Variants in ANXA6 observed in about 807,000 individuals in gnomAD.
The protein encoded by ANXA6 is 67 kDa calelectrin.
In ANXA6, 71 loss-of-function variants were observed where a neutral mutation model predicts 95.4. The ratio of observed to expected loss-of-function variants is 0.74; its 90% CI spans 0.61 to 0.91. The LOEUF (loss-of-function observed/expected upper bound fraction) is 0.91. ANXA6 is among the 40% of genes least tolerant of loss of function. ANXA6 has a pLI of 0.00. For synonymous variants in ANXA6, 289 were observed against 315.9 expected (o/e 0.91, Z 0.90); for missense variants, 830 against 876.4 (o/e 0.95, Z 0.67).
chr5:151,128,341 G>A, intron 12 of ANXA6, 102 bp from the exon 13 acceptor site: 1 of 986,230 alleles, frequency 1.0e-6, no homozygotes, highest in Non-Finnish European at 1.6e-6. Context: ...AAGGCTGAAT[G>A]AACACTTATT....
chr5:151,131,741 G>A (rs529524342), intron 10 of ANXA6, among the ~76,000 whole-genome samples: 2 of 152,128 alleles, frequency 1.3e-5, no homozygotes, highest in Non-Finnish European at 2.9e-5. Context: ...TGGGAGGGAC[G>A]ATAAAGGAGC....
At chr5:151,131,494 T>C (rs1253561163) in intron 10 of ANXA6, among the ~76,000 whole-genome samples, 1 of 152,208 alleles carries the variant, frequency 6.6e-6, no homozygotes, top group Non-Finnish European at 1.5e-5. Flanking sequence ...GAAATAATCT[T>C]GTTGAAATAA....
At chr5:151,108,634 C>T in intron 22 of ANXA6, 84 bp from the exon 23 acceptor site, 2 of 1,179,386 alleles carry the variant, frequency 1.7e-6, no homozygotes, top group Non-Finnish European at 2.5e-6. Flanking sequence ...CCCAGTGCCT[C>T]CCACAGGCTG....
chr5:151,125,716 C>T (rs1765297167), intron 14 of ANXA6, among the ~76,000 whole-genome samples: 1 of 152,334 alleles, frequency 6.6e-6, no homozygotes, highest in East Asian at 1.9e-4. Context: ...TCACTTCTCA[C>T]ATCACCTACA....
chr5:151,143,630 A>G (rs1423271271), intron 2 of ANXA6, among the ~76,000 whole-genome samples: 1 of 152,100 alleles, frequency 6.6e-6, no homozygotes, highest in Non-Finnish European at 1.5e-5. Context: ...TGTGGCAGAT[A>G]CGATGCTAAG....
chr5:151,150,786 T>C (rs1232771569), intron 1 of ANXA6: 1 of 152,342 alleles, frequency 6.6e-6, no homozygotes, highest in African/African-American at 2.4e-5. Context: ...CAGCTCTCGG[T>C]TTCCTCTGAC....
intron 13 of ANXA6, among the ~76,000 whole-genome samples, chr5:151,126,683 A>G (rs887779696): frequency 2.6e-5 from 4 of 151,824 alleles, no homozygotes; most frequent in Admixed American, 6.6e-5. Context: ...AGAACCTTCC[A>G]TCTCTTGAGA....
In ANXA6 at chr5:151,137,297, G is replaced by A. The variant is rs1460905943; in HGVS notation, c.343C>T (p.Leu115Phe). The change falls in exon 6 of 26, where the codon CTC becomes TTC. Residue 115 changes from leucine to phenylalanine, a missense_variant. Coordinates refer to ENST00000354546, the MANE Select transcript of ANXA6 (RefSeq NM_001155.5). ...ISGIGTDEKC[L>F]IEILASRTNE... is the part of the protein sequence containing the mutation. ...GTCCGGGAAGCCAAGATCTCAATGA[G>A]GCACTTCTCATCAGTGCCAATGCCC... 3 of 1,613,264 alleles carry A rather than the reference G, an allele frequency of 1.9e-6. No individual in the cohort carries two copies. The highest frequency in any genetic ancestry group is 1.1e-5 in the South Asian group (1 of 91,030).
intron 2 of ANXA6, among the ~76,000 whole-genome samples, chr5:151,146,511 G>A (rs1765979242): frequency 6.6e-6 from 1 of 152,158 alleles, no homozygotes; most frequent in East Asian, 1.9e-4. Context: ...TTCACTGGGG[G>A]CAGTCATGAT....
intron 20 of ANXA6, 89 bp downstream of exon 20, chr5:151,117,038 C>T (rs1765018500): frequency 7.8e-7 from 1 of 1,290,034 alleles, no homozygotes; most frequent in Non-Finnish European, 1.0e-6. Context: ...CCTTCACTCA[C>T]AGACAGGGCC....
intron 2 of ANXA6, among the ~76,000 whole-genome samples, chr5:151,145,449 T>C (rs761362169): frequency 2.0e-5 from 3 of 152,214 alleles, no homozygotes; most frequent in Non-Finnish European, 4.4e-5. Flanking sequence ...CACAGCGCCA[T>C]GCCTCCTGGG....
intron 23 of ANXA6, among the ~76,000 whole-genome samples, chr5:151,108,140 TGTGTGTGTCAA>T (rs1308917190): frequency 6.6e-6 from 1 of 151,860 alleles, no homozygotes; most frequent in Non-Finnish European, 1.5e-5. Flanking sequence ...ATATGTTAGG[TGTGTGTGTCAA>T]GTGTGTGTGT....
At chr5:151,131,722 G>A (rs1199686335) in intron 10 of ANXA6, among the ~76,000 whole-genome samples, 1 of 152,130 alleles carries the variant, frequency 6.6e-6, no homozygotes, top group African/African-American at 2.4e-5. Context: ...GGAGGGCAGG[G>A]GATGGCTCTG....
chr5:151,152,620 G>A (rs970551056), intron 1 of ANXA6, among the ~76,000 whole-genome samples: 28 of 152,204 alleles, frequency 1.8e-4, no homozygotes, highest in Admixed American at 1.8e-3. Context: ...TCTCCAAAAA[G>A]GGGTAATGGG....
At chr5:151,108,574 G>T (rs1313798577) in intron 22 of ANXA6, 24 bp from the exon 23 acceptor site, 2 of 1,606,846 alleles carry the variant, frequency 1.2e-6, no homozygotes, top group Non-Finnish European at 1.7e-6. Flanking sequence ...AAGCCCCAGA[G>T]GTGGGGGTGA....
chr5:151,150,480 A>G (rs926876551), intron 1 of ANXA6, among the ~76,000 whole-genome samples: 1 of 152,222 alleles, frequency 6.6e-6, no homozygotes, highest in Non-Finnish European at 1.5e-5. Context: ...AGTTGAGGAC[A>G]GGGCCTCTGT....
At chr5:151,110,308 T>C (rs775293952) in intron 21 of ANXA6, among the ~76,000 whole-genome samples, 3 of 152,238 alleles carry the variant, frequency 2.0e-5, no homozygotes, top group Non-Finnish European at 4.4e-5. Context: ...GTTTCCATGA[T>C]TGTCTTCTAG....
intron 1 of ANXA6, 123 bp from the exon 2 acceptor site, chr5:151,148,049 C>A (rs892880944): frequency 2.8e-5 from 25 of 902,608 alleles, no homozygotes; most frequent in Admixed American, 1.5e-4. Context: ...AAATCAGACC[C>A]AATGACCCAG....
Position 151,139,401 on chromosome 5 carries a change from G to C in ANXA6, c.156C>G (p.Asn52Lys), listed in dbSNP as rs765083509. 1.2e-6 allele frequency: 2 copies of C among 1,613,514 alleles called. No homozygotes were observed. The highest frequency in any genetic ancestry group is 1.7e-6 in the Non-Finnish European group (2 of 1,179,688). ...AILDIITSRS[N>K]RQRQEVCQSY... ...TCTGGCAGACCTCCTGCCTCTGCCTGTTGCTCCGTGAGGTGATTATGTCCA... is the reference window on the plus strand; with the variant it reads ...TCTGGCAGACCTCCTGCCTCTGCCTCTTGCTCCGTGAGGTGATTATGTCCA... Residue 52 changes from asparagine (N) to lysine (K), a missense_variant, in exon 4 of 26, where the codon AAC becomes AAG. Physicochemically the swap from Asn to Lys is moderately conservative, Grantham distance 94. Coordinates refer to ENST00000354546, the MANE Select transcript of ANXA6 (RefSeq NM_001155.5).
Sources: gnomAD v4.1 joint callset for allele counts (sites outside exome capture counted in the v4.1 genomes callset) on GRCh38, gnomAD v4.1.1 for gene constraint, MANE v1.5 for transcripts, NCBI Gene and HGNC (gene_info 2026-07-23, HGNC 2026-07-21) for gene names.